The following GRIA3 variants were observed in gnomAD, a reference collection of about 807,000 sequenced individuals.
GRIA3 encodes glutamate receptor 3.
GRIA3 carries 3 observed loss-of-function variants against 63.0 expected under a neutral mutation model. The observed-to-expected ratio is 0.05, with a 90% confidence interval of 0.02 to 0.12. The LOEUF (loss-of-function observed/expected upper bound fraction) is 0.12, where lower values mean the gene tolerates loss of function less well. Among genes scored for constraint, GRIA3 ranks in the 10% least tolerant of loss-of-function variants. The pLI, the probability that GRIA3 is intolerant of heterozygous loss-of-function variation, is 1.00. For synonymous variants in GRIA3, 274 were observed against 257.9 expected (o/e 1.06, Z -0.60); for missense variants, 347 against 700.9 (o/e 0.50, Z 5.70).
chrX:123,452,527 T>C (rs2045738748), intron 12 of GRIA3, among the ~76,000 whole-genome samples: 1 of 111,630 alleles, frequency 9.0e-6, no homozygotes, highest in African/African-American at 3.3e-5. Flanking sequence ...AATTTCAGGA[T>C]AGATTTTTCT....
At chrX:123,283,835 G>A (rs6648504) in intron 3 of GRIA3, among the ~76,000 whole-genome samples, 44,097 of 111,751 alleles carry the variant, frequency 0.39, 7,866 homozygotes, top group African/African-American at 0.71. Context: ...GTAGACTTCA[G>A]TGTTCCTGCC....
chrX:123,482,726 T>C (rs2045918040), intron 14 of GRIA3, 73 bp from the exon 15 acceptor site: 1 of 1,076,990 alleles, frequency 9.3e-7, no homozygotes, highest in African/African-American at 1.8e-5. Flanking sequence ...TCCCCTGTAC[T>C]GTTGTAATAT....
chrX:123,373,424 C>A (rs916944945), intron 5 of GRIA3, among the ~76,000 whole-genome samples: 1 of 111,667 alleles, frequency 9.0e-6, no homozygotes, highest in Non-Finnish European at 1.9e-5. Context: ...AGTTCTAGAT[C>A]CCTGAGGAAT....
At chrX:123,248,647 A>G (rs929584461) in intron 2 of GRIA3, among the ~76,000 whole-genome samples, 1 of 111,147 alleles carries the variant, frequency 9.0e-6, no homozygotes, top group Non-Finnish European at 1.9e-5. Flanking sequence ...TTAGCCGGGC[A>G]TGGTGGCGCA....
intron 4 of GRIA3, among the ~76,000 whole-genome samples, chrX:123,345,316 C>T (rs1177806544): frequency 9.1e-6 from 1 of 110,400 alleles, no homozygotes; most frequent in Non-Finnish European, 1.9e-5. Flanking sequence ...ATTGCTCTCA[C>T]CTCTCTCACT....
chrX:123,252,672 C>T (rs1432862565), intron 2 of GRIA3, among the ~76,000 whole-genome samples: 1 of 111,354 alleles, frequency 9.0e-6, no homozygotes, highest in African/African-American at 3.3e-5. Context: ...TTCCCAATTA[C>T]ACATGGGCAG....
chrX:123,241,301 C>T (rs1483552086), intron 2 of GRIA3, among the ~76,000 whole-genome samples: 1 of 110,985 alleles, frequency 9.0e-6, no homozygotes, highest in African/African-American at 3.3e-5. Context: ...TTTTAAAAAG[C>T]AAAAGTCTAT....
chrX:123,383,996 A>G (rs928420188), intron 5 of GRIA3, among the ~76,000 whole-genome samples: 1 of 111,738 alleles, frequency 8.9e-6, no homozygotes, highest in African/African-American at 3.3e-5. Flanking sequence ...GGCTAAGGAT[A>G]ACGGCCTCCA....
chrX:123,252,550 T>C (rs1158285580), intron 2 of GRIA3, among the ~76,000 whole-genome samples: 2 of 111,976 alleles, frequency 1.8e-5, no homozygotes, highest in East Asian at 5.6e-4. Context: ...GAGGCAGCAA[T>C]GTGGCCCACT....
At chrX:123,301,267 G>A (rs914962831) in intron 3 of GRIA3, among the ~76,000 whole-genome samples, 4 of 111,296 alleles carry the variant, frequency 3.6e-5, no homozygotes, top group African/African-American at 9.8e-5. Context: ...TGTCAGTGGG[G>A]TGTTGAAGTA....
intron 2 of GRIA3, among the ~76,000 whole-genome samples, chrX:123,223,872 T>C (rs1347290431): frequency 8.9e-6 from 1 of 112,255 alleles, no homozygotes; most frequent in Non-Finnish European, 1.9e-5. Context: ...AGTGCAGAGG[T>C]GCTTTGTTGT....
intron 12 of GRIA3, among the ~76,000 whole-genome samples, chrX:123,462,209 C>A: frequency 9.0e-6 from 1 of 111,702 alleles, no homozygotes. Flanking sequence ...AACTCATAGT[C>A]TATTCTCCAT....
intron 12 of GRIA3, among the ~76,000 whole-genome samples, chrX:123,435,027 T>G (rs923111189): frequency 8.9e-6 from 1 of 112,445 alleles, no homozygotes; most frequent in Non-Finnish European, 1.9e-5. Context: ...AAAATTAAAT[T>G]CCTATCTTTT....
chrX:123,257,236 G>C (rs1430048510), intron 3 of GRIA3, among the ~76,000 whole-genome samples: 1 of 111,821 alleles, frequency 8.9e-6, no homozygotes, highest in East Asian at 2.8e-4. Context: ...CTAGCCCCTA[G>C]ATTTATACTT....
chrX:123,360,432 T>C (rs1603112222), intron 5 of GRIA3, among the ~76,000 whole-genome samples: 2 of 104,683 alleles, frequency 1.9e-5, no homozygotes, highest in African/African-American at 7.0e-5. Context: ...CATGTAATCC[T>C]AGCACTTTGG....
At chrX:123,415,131 T>C (rs915385755) in intron 10 of GRIA3, among the ~76,000 whole-genome samples, 2 of 112,074 alleles carry the variant, frequency 1.8e-5, no homozygotes, top group African/African-American at 6.5e-5. Context: ...TGTGAGATGG[T>C]ATCTCATTGT....
At chrX:123,379,541 T>A (rs991701997) in intron 5 of GRIA3, among the ~76,000 whole-genome samples, 3 of 109,990 alleles carry the variant, frequency 2.7e-5, no homozygotes, top group African/African-American at 9.9e-5. Context: ...GTTATTGTAT[T>A]AAATCTGTCG....
chrX:123,385,336 C>A (rs759518080), intron 5 of GRIA3, among the ~76,000 whole-genome samples: 1 of 111,402 alleles, frequency 9.0e-6, no homozygotes, highest in African/African-American at 3.3e-5. Context: ...TCTGGGTAAC[C>A]TATTCTGCTC....
At chrX:123,195,529 G>C in intron 2 of GRIA3, among the ~76,000 whole-genome samples, 1 of 111,871 alleles carries the variant, frequency 8.9e-6, no homozygotes, top group South Asian at 3.8e-4. Context: ...TAGGTAATTG[G>C]ACCAGGTGTG....
Sources: gnomAD v4.1 joint callset for allele counts (sites outside exome capture counted in the v4.1 genomes callset) on GRCh38, gnomAD v4.1.1 for gene constraint, MANE v1.5 for transcripts, NCBI Gene and HGNC (gene_info 2026-07-23, HGNC 2026-07-21) for gene names.